The following ADGRG5 variants were observed in gnomAD, a reference collection of about 807,000 sequenced individuals.
ADGRG5 encodes G protein-coupled receptor 114.
A neutral mutation model predicts 53.2 loss-of-function variants in ADGRG5; 37 were observed. The ratio of observed to expected loss-of-function variants is 0.70; its 90% CI spans 0.53 to 0.91. The LOEUF (loss-of-function observed/expected upper bound fraction) is 0.91. Ranked by LOEUF, ADGRG5 falls within the 40% of genes least tolerant of loss-of-function variation. The pLI is 0.00. For synonymous variants in ADGRG5, 277 were observed against 290.4 expected, an observed-to-expected ratio of 0.95 and a Z score of 0.47; for missense variants, 614 against 675.8, an observed-to-expected ratio of 0.91 and a Z score of 1.01.
At chr16:57,545,933 C>T (rs2032607097) in intron 1 of ADGRG5, among the ~76,000 whole-genome samples, 1 of 152,146 alleles carries the variant, frequency 6.6e-6, no homozygotes, top group South Asian at 2.1e-4. Context: ...TCAAACGATT[C>T]TCCTGGCTCA....
chr16:57,544,690 C>G (rs2032574342), intron 1 of ADGRG5, among the ~76,000 whole-genome samples: 1 of 152,200 alleles, frequency 6.6e-6, no homozygotes, highest in Non-Finnish European at 1.5e-5. Context: ...TCTGTGCTGT[C>G]AGGTCCTCCA....
Position 57,575,648 on chromosome 16 carries a change from G to C in ADGRG5, c.*110G>C. 2.4e-6 allele frequency: 2 copies of C among 818,510 alleles called. No individual in the cohort carries two copies. The highest frequency in any genetic ancestry group is 4.0e-6 in the Non-Finnish European group (2 of 501,474). The allele number at this position is 818,510 out of a possible 1,614,324, so 50.7% of individuals were successfully genotyped here. On this transcript the variant is annotated 3_prime_UTR_variant, in exon 12 of 12. Transcript: ENST00000349457. ...CTGCTGCTGGACCCCAGAGGCCACTGTGACCGCCAAGGGGCCTTTTCCACT... is the reference window on the plus strand; with the variant it reads ...CTGCTGCTGGACCCCAGAGGCCACTCTGACCGCCAAGGGGCCTTTTCCACT...
rs778107281 is a variant in ADGRG5 at position 57,574,464 on chromosome 16, T to C, written c.1209-351T>C. On this transcript the variant is annotated intron_variant, in intron 10 of 11. Transcript: ENST00000349457. The surrounding 1 kb of genome is among the most constrained non-coding windows in gnomAD (Gnocchi z 4.4). ...AGAGGGCTCCGGGCCAAGGATCCAA[T>C]AGAAGATGGGGCATGCCGGCCTTGG... Among the ~76,000 whole-genome samples, 14 of 151,982 alleles carry C rather than the reference T, an allele frequency of 9.2e-5. No individual in the cohort carries two copies. The highest frequency in any genetic ancestry group is 2.4e-4 in the African/African-American group (10 of 41,352).
At chr16:57,534,904 C>T in the ADGRG5 span, among the ~76,000 whole-genome samples, 1 of 152,190 alleles carries the variant, frequency 6.6e-6, no homozygotes, top group Admixed American at 6.5e-5. Context: ...TGTGTTTTGT[C>T]CTCAGCATGT....
At position 57,574,509 on chromosome 16, in the gene ADGRG5, A is replaced by G. The variant is rs1227392926; in HGVS notation, c.1209-306A>G. ...CCTTGGGCTGGCCATGGAAGCAGAG[A>G]GGAGTGAGATGTGGAAAGGAGAGAG... On this transcript the variant is annotated intron_variant, in intron 10 of 11. Coordinates refer to ENST00000349457, the MANE Select transcript of ADGRG5 (RefSeq NM_001304376.3). The surrounding 1 kb of genome is among the most constrained non-coding windows in gnomAD (Gnocchi z 4.4). Among the ~76,000 whole-genome samples, 1 of 152,206 alleles carries G rather than the reference A, an allele frequency of 6.6e-6. No individual in the cohort carries two copies.
At chr16:57,533,232 C>T in the ADGRG5 span, among the ~76,000 whole-genome samples, 10 of 152,112 alleles carry the variant, frequency 6.6e-5, no homozygotes, top group Admixed American at 4.6e-4. Context: ...TGGAACAGCA[C>T]TCCCACCTTT....
At chr16:57,543,668 G>A (rs2146745645) in intron 1 of ADGRG5, among the ~76,000 whole-genome samples, 1 of 152,286 alleles carries the variant, frequency 6.6e-6, no homozygotes, top group South Asian at 2.1e-4. Flanking sequence ...GTTGGCAGGG[G>A]CAGGTGGGGC....
rs1339144050 is a variant in ADGRG5, at chr16:57,566,622, C to G, written c.570C>G (p.Val190=). The G allele has an allele frequency of 6.4e-6, 10 of 1,572,704 alleles. No homozygotes were observed. The highest frequency in any genetic ancestry group is 1.4e-5 in the African/African-American group (1 of 73,338). The change falls in exon 7 of 12, where the codon GTC becomes GTG. Residue 190 remains valine, a synonymous_variant. Coordinates refer to ENST00000349457, the MANE Select transcript of ADGRG5 (RefSeq NM_001304376.3). Reference sequence around the variant, plus strand: ...AGGAAGGCTACACCCTGACCTGTGTCTTCTGGAAGGAGGGAGCCAGGAAAC... The same window carrying G: ...AGGAAGGCTACACCCTGACCTGTGTGTTCTGGAAGGAGGGAGCCAGGAAAC... The part of the protein sequence containing the change: ...QSLEGYTLTC[V]FWKEGARKQP...
intron 1 of ADGRG5, among the ~76,000 whole-genome samples, chr16:57,553,767 T>C (rs1230378173): frequency 6.6e-6 from 1 of 152,228 alleles, no homozygotes; most frequent in East Asian, 1.9e-4. Context: ...TGAGGGGTGT[T>C]GGTCTGTAGT....
upstream of ADGRG5, among the ~76,000 whole-genome samples, chr16:57,540,062 G>A (rs2032467530): frequency 6.6e-6 from 1 of 152,094 alleles, no homozygotes; most frequent in South Asian, 2.1e-4. Flanking sequence ...GGCCAACATG[G>A]TGAAACCTCA....
At chr16:57,565,225 T>A in intron 6 of ADGRG5, 75 bp downstream of exon 6, 1 of 845,342 alleles carries the variant, frequency 1.2e-6, no homozygotes, top group Non-Finnish European at 2.0e-6. Context: ...CTGGTTTGAC[T>A]AGACCCAAAC....
the ADGRG5 span, among the ~76,000 whole-genome samples, chr16:57,532,925 G>C: frequency 6.6e-6 from 1 of 152,190 alleles, no homozygotes; most frequent in South Asian, 2.1e-4. Context: ...TCTTGCAGCC[G>C]CTGAACTAGG....
At chr16:57,540,449 A>G (rs1398472483), upstream of ADGRG5, among the ~76,000 whole-genome samples, 2 of 152,134 alleles carry the variant, frequency 1.3e-5, no homozygotes, top group African/African-American at 4.8e-5. Context: ...GAGACACTTT[A>G]CTGAGATGGT....
In ADGRG5 at chr16:57,563,078, C is replaced by T; in HGVS notation, c.141-13C>T. 1 of 1,614,006 alleles carries T rather than the reference C, an allele frequency of 6.2e-7. No individual in the cohort carries two copies. The highest frequency in any genetic ancestry group is 1.1e-5 in the South Asian group (1 of 91,088). On this transcript the variant is annotated splice_polypyrimidine_tract_variant and intron_variant, in intron 3 of 11. Coordinates refer to ENST00000349457, the MANE Select transcript of ADGRG5 (RefSeq NM_001304376.3). ...CGGGCTCTGGCCTCCCTGGCCATCT[C>T]TCTGGGCTGCAGTCAACTCCACCAG...
At chr16:57,531,488 T>A in the ADGRG5 span, among the ~76,000 whole-genome samples, 2 of 150,592 alleles carry the variant, frequency 1.3e-5, no homozygotes, top group Admixed American at 1.3e-4. Context: ...CACACCCACC[T>A]CCCTGCCCAT....
At chr16:57,569,075 T>C (rs1275760692) in intron 9 of ADGRG5, among the ~76,000 whole-genome samples, 36 of 87,016 alleles carry the variant, frequency 4.1e-4, no homozygotes, top group Admixed American at 6.9e-4. Context: ...TCCTCCACCT[T>C]CATCACCACC....
chr16:57,572,829 C>T (rs2033399388), intron 10 of ADGRG5, among the ~76,000 whole-genome samples: 2 of 152,270 alleles, frequency 1.3e-5, no homozygotes, highest in African/African-American at 4.8e-5. Context: ...GCCTACCACA[C>T]TCATCAACTT....
At chr16:57,572,745 C>T (rs2033397478) in intron 10 of ADGRG5, among the ~76,000 whole-genome samples, 1 of 152,230 alleles carries the variant, frequency 6.6e-6, no homozygotes, top group Non-Finnish European at 1.5e-5. Flanking sequence ...TGTCCACTGA[C>T]GGGATGCTGG....
Position 57,563,830 on chromosome 16 carries a change from G to C in ADGRG5, c.298-18G>C. On this transcript the variant is annotated intron_variant, in intron 4 of 11. Transcript: ENST00000349457. Reference sequence around the variant, plus strand: ...CCAGGTCCTGGTTGCCAAACAGCCTGTTTGCGACCCTCTGCAGGCAGGAGG... The same window carrying C: ...CCAGGTCCTGGTTGCCAAACAGCCTCTTTGCGACCCTCTGCAGGCAGGAGG... 1 of 1,613,028 alleles carries C rather than the reference G, an allele frequency of 6.2e-7. No individual in the cohort carries two copies. Among genetic ancestry groups the C allele is most frequent in the Non-Finnish European group, 8.5e-7 (1 of 1,179,922 alleles).
Sources: gnomAD v4.1 joint callset for allele counts (sites outside exome capture counted in the v4.1 genomes callset) on GRCh38, gnomAD v4.1.1 for gene constraint, Gnocchi (gnomAD v3.1) non-coding constraint, MANE v1.5 for transcripts, NCBI Gene and HGNC (gene_info 2026-07-23, HGNC 2026-07-21) for gene names.